The following ZRANB3 variants were observed in gnomAD, a reference collection of about 807,000 sequenced individuals.
ZRANB3 encodes the protein DNA annealing helicase and endonuclease ZRANB3.
Under a neutral mutation model 133.8 loss-of-function variants are expected in ZRANB3, and 125 were observed. The observed-to-expected ratio is 0.93, with a 90% confidence interval of 0.81 to 1.08. The LOEUF is 1.08. Ranked by LOEUF, ZRANB3 falls within the 50% of genes least tolerant of loss-of-function variation. The pLI is 0.00. For synonymous variants in ZRANB3, 387 were observed against 432.7 expected (o/e 0.89, Z 1.31); for missense variants, 1,229 against 1,275.5 (o/e 0.96, Z 0.56).
intron 3 of ZRANB3, among the ~76,000 whole-genome samples, chr2:135,362,465 G>T (rs1193024210): frequency 6.6e-6 from 1 of 152,134 alleles, no homozygotes; most frequent in African/African-American, 2.4e-5. Flanking sequence ...GCCTTAGAGA[G>T]CAGCAGGATG....
chr2:135,233,647 T>A (rs1276011293), intron 12 of ZRANB3, among the ~76,000 whole-genome samples: 1 of 152,158 alleles, frequency 6.6e-6, no homozygotes, highest in Non-Finnish European at 1.5e-5. Context: ...TTCAACATTC[T>A]CAAAGAAAAG....
At chr2:135,469,902 C>T (rs1343020423) in intron 2 of ZRANB3, among the ~76,000 whole-genome samples, 1 of 150,826 alleles carries the variant, frequency 6.6e-6, no homozygotes, top group Non-Finnish European at 1.5e-5. Context: ...GTCCCAGCTA[C>T]TCGGGAGGCT....
intron 9 of ZRANB3, among the ~76,000 whole-genome samples, chr2:135,274,797 G>C (rs1050888765): frequency 5.9e-5 from 9 of 152,058 alleles, no homozygotes; most frequent in Non-Finnish European, 1.2e-4. Context: ...TGTGTCCCTG[G>C]GTACTTGAGA....
In ZRANB3 at chr2:135,245,926, C is replaced by CAAAAAAAAAA. The variant is rs1177438717; in HGVS notation, c.1540-15009_1540-15000dup. 3.4e-3 allele frequency among the ~76,000 whole-genome samples: 66 copies of CAAAAAAAAAA among 19,544 alleles called. 10 individuals carry two copies. The highest frequency in any genetic ancestry group is 0.012 in the African/African-American group (43 of 3,502). The allele number at this position is 19,544 out of a possible 152,430, so 12.8% of individuals were successfully genotyped here. ...GGGCAACGAGATTGAAACTCCGTCT[C>CAAAAAAAAAA]AAAAAAAAAAAAAAAAAAAAAAGAG... On this transcript the variant is annotated intron_variant, in intron 12 of 20. Coordinates refer to ENST00000264159, the MANE Select transcript of ZRANB3 (RefSeq NM_032143.4).
chr2:135,395,685 T>C (rs1687458853), intron 2 of ZRANB3, among the ~76,000 whole-genome samples: 1 of 152,084 alleles, frequency 6.6e-6, no homozygotes, highest in Non-Finnish European at 1.5e-5. Flanking sequence ...CTCAAACACC[T>C]GACCTCAAAT....
In ZRANB3 at chr2:135,217,480, TG is replaced by T. The variant is rs1694359347; in HGVS notation, c.2479del (p.Gln827LysfsTer8). 1.9e-6 allele frequency: 3 copies of T among 1,606,922 alleles called. No individual in the cohort carries two copies. In the South Asian group the frequency reaches 3.4e-5, roughly 18 times the overall value. Reference protein sequence around the residue: ...LEEITKQQTKQNCTKRYITKE... With the variant: ...LEEITKQQTKXNCTKRYITKE... Reference sequence around the variant, plus strand: ...CAACTCATACCTTTTGGTGCAATTTTGTTTGGTTTGTTGCTTTGTGATCTCT... The same window carrying T: ...CAACTCATACCTTTTGGTGCAATTTTTTTGGTTTGTTGCTTTGTGATCTCT... On this transcript the variant is annotated frameshift_variant, in exon 17 of 21. Transcript: ENST00000264159. LOFTEE classifies it high-confidence loss of function.
Position 135,244,532 on chromosome 2 carries a change from C to T in ZRANB3, c.1540-13605G>A, listed in dbSNP as rs1465543388. Among the ~76,000 whole-genome samples the T allele has an allele frequency of 9.2e-5, 14 of 152,192 alleles. No individual in the cohort carries two copies. In the East Asian group the frequency reaches 2.7e-3, roughly 29 times the overall value. On this transcript the variant is annotated intron_variant, in intron 12 of 20. Transcript: ENST00000264159. ...CTGACGCACGAGAATCACTTGAACC[C>T]AGGAAGTGGAGGTTGCAGTGAGCTG...
intron 12 of ZRANB3, among the ~76,000 whole-genome samples, chr2:135,244,348 G>C (rs973632314): frequency 6.6e-6 from 1 of 152,152 alleles, no homozygotes; most frequent in African/African-American, 2.4e-5. Context: ...GCTCACGCCT[G>C]TAATCTCAGC....
At chr2:135,279,662 C>T (rs977868946) in intron 8 of ZRANB3, among the ~76,000 whole-genome samples, 3 of 152,132 alleles carry the variant, frequency 2.0e-5, no homozygotes, top group Non-Finnish European at 2.9e-5. Context: ...TTAGAGTCTC[C>T]TCCACTGATA....
chr2:135,309,695 G>A (rs554565914), intron 8 of ZRANB3, among the ~76,000 whole-genome samples: 22 of 152,174 alleles, frequency 1.4e-4, no homozygotes, highest in South Asian at 2.1e-4. Flanking sequence ...AAAAAAACTA[G>A]AGAACATTGT....
At chr2:135,461,676 A>G (rs1319285784) in intron 2 of ZRANB3, among the ~76,000 whole-genome samples, 1 of 152,242 alleles carries the variant, frequency 6.6e-6, no homozygotes, top group Non-Finnish European at 1.5e-5. Flanking sequence ...TCATGAGCTT[A>G]TAAGCAGAAA....
intron 12 of ZRANB3, among the ~76,000 whole-genome samples, chr2:135,246,935 A>G (rs1695826685): frequency 6.6e-6 from 1 of 152,226 alleles, no homozygotes; most frequent in Non-Finnish European, 1.5e-5. Flanking sequence ...ATAGGATTAA[A>G]AGCCAGTTAT....
intron 2 of ZRANB3, among the ~76,000 whole-genome samples, chr2:135,466,599 G>C (rs1301861272): frequency 6.6e-6 from 1 of 151,676 alleles, no homozygotes; most frequent in Admixed American, 6.6e-5. Context: ...AACTTTGATG[G>C]GTCTCAGTTC....
Position 135,481,973 on chromosome 2 carries a change from A to G in ZRANB3, c.161+22356T>C, listed in dbSNP as rs1042036466. On this transcript the variant is annotated intron_variant, in intron 2 of 20. Coordinates refer to ENST00000264159, the MANE Select transcript of ZRANB3 (RefSeq NM_032143.4). ...GGGCTCTGTTCTGTTCCATTGATCT[A>G]TATCTCTGTTTTGGTACCAGGACCA... Among the ~76,000 whole-genome samples the G allele has an allele frequency of 1.7e-3, 236 of 135,764 alleles. 15 individuals are homozygous for G. The highest frequency in any genetic ancestry group is 7.8e-3 in the African/African-American group (223 of 28,652). 89.1% of individuals were successfully genotyped at this position (135,764 alleles called of 152,430 possible).
intron 2 of ZRANB3, among the ~76,000 whole-genome samples, chr2:135,431,563 A>G (rs1689325061): frequency 6.6e-6 from 1 of 152,158 alleles, no homozygotes; most frequent in African/African-American, 2.4e-5. Flanking sequence ...TAGCTGATAA[A>G]GAACTTATAT....
chr2:135,286,008 T>G (rs1558886871), intron 8 of ZRANB3, among the ~76,000 whole-genome samples: 1 of 152,270 alleles, frequency 6.6e-6, no homozygotes, highest in Non-Finnish European at 1.5e-5. Context: ...TAACATTGAT[T>G]ATTTTTGGTT....
intron 3 of ZRANB3, among the ~76,000 whole-genome samples, chr2:135,382,172 T>C (rs1033737509): frequency 3.9e-5 from 6 of 152,142 alleles, no homozygotes; most frequent in Admixed American, 1.3e-4. Context: ...CTGAAAACCA[T>C]GGCACGAGAA....
At chr2:135,232,374 C>A (rs1377566428) in intron 12 of ZRANB3, among the ~76,000 whole-genome samples, 1 of 152,170 alleles carries the variant, frequency 6.6e-6, no homozygotes, top group Non-Finnish European at 1.5e-5. Context: ...GGGGGCAGGG[C>A]ACAGCCAAAC....
chr2:135,360,829 T>C (rs1049702868), intron 3 of ZRANB3, among the ~76,000 whole-genome samples: 4 of 152,360 alleles, frequency 2.6e-5, no homozygotes, highest in South Asian at 2.1e-4. Context: ...TGGCCTGGCC[T>C]GATCACAGCT....
Sources: allele counts gnomAD v4.1 joint callset (sites outside exome capture counted in the v4.1 genomes callset), GRCh38; gene constraint gnomAD v4.1.1; transcripts MANE v1.5; gene names NCBI Gene and HGNC (gene_info 2026-07-23, HGNC 2026-07-21).